The following DMXL1 variants were observed in gnomAD, a reference collection of about 807,000 sequenced individuals.
The protein encoded by DMXL1 is dmX-like protein 1.
A neutral mutation model predicts 319.2 loss-of-function variants in DMXL1; 99 were observed. The ratio of observed to expected loss-of-function variants is 0.31; its 90% CI spans 0.26 to 0.37. The LOEUF (loss-of-function observed/expected upper bound fraction) is 0.37, where lower values mean the gene tolerates loss of function less well. Ranked by LOEUF, DMXL1 falls within the 10% of genes least tolerant of loss-of-function variation. The pLI is 1.00. For synonymous variants in DMXL1, 1,385 were observed against 1,235.2 expected, an observed-to-expected ratio of 1.12 and a Z score of -2.54; for missense variants, 3,745 against 3,595.6, an observed-to-expected ratio of 1.04 and a Z score of -1.06.
At position 119,247,836 on chromosome 5, in the gene DMXL1, C is replaced by T. The variant is rs1469420137; in HGVS notation, c.*617C>T. On this transcript the variant is annotated 3_prime_UTR_variant, in exon 44 of 44. Coordinates refer to ENST00000539542, the MANE Select transcript of DMXL1 (RefSeq NM_001290321.3). ...TGTGTGTGTGTGTGTGTGTATCTTA[C>T]ACATCTTATTTGAACTTAGTTGTAT... The T allele has an allele frequency of 6.6e-6, 1 of 151,828 alleles. No individual in the cohort carries two copies. Among genetic ancestry groups the T allele is most frequent in the Non-Finnish European group, 1.5e-5 (1 of 67,910 alleles). The allele number at this position is 151,828 out of a possible 1,614,324, so 9.4% of individuals were successfully genotyped here.
At chr5:119,140,473 A>G (rs1035215334) in intron 13 of DMXL1, among the ~76,000 whole-genome samples, 1 of 152,194 alleles carries the variant, frequency 6.6e-6, no homozygotes, top group Non-Finnish European at 1.5e-5. Context: ...AGAAACTACT[A>G]CGAACACCTC....
chr5:119,098,229 A>G, intron 2 of DMXL1, 125 bp downstream of exon 2: 1 of 1,160,180 alleles, frequency 8.6e-7, no homozygotes. Flanking sequence ...TGTAGCTAGA[A>G]GAATTTTTGG....
At chr5:119,161,992 C>T (rs1447631251) in intron 19 of DMXL1, among the ~76,000 whole-genome samples, 1 of 152,228 alleles carries the variant, frequency 6.6e-6, no homozygotes, top group Non-Finnish European at 1.5e-5. Context: ...CTAGCTGTGA[C>T]ATTGCCCACA....
At chr5:119,123,351 A>G (rs1383312720) in intron 9 of DMXL1, among the ~76,000 whole-genome samples, 2 of 100,948 alleles carry the variant, frequency 2.0e-5, no homozygotes, top group East Asian at 6.6e-4. Context: ...GAGGGAGAGG[A>G]GGGAGAGGGA....
rs754468992 is a variant in DMXL1 at position 119,129,245 on chromosome 5, T to A, written c.1137T>A (p.Ser379Arg). Residue 379 changes from serine (S) to arginine (R), a missense_variant, in exon 10 of 44, where the codon AGT becomes AGA. Transcript: ENST00000539542. ...IPLLPSITSL[S>R]LNENEEKTGP... ...TTCTTCCATCTATTACATCTCTGAG[T>A]CTAAATGAAAATGAAGAGAAGACCG... 12 of 1,613,122 alleles carry A rather than the reference T, an allele frequency of 7.4e-6. No homozygotes were observed. The highest frequency in any genetic ancestry group is 4.5e-5 in the East Asian group (2 of 44,806).
intron 41 of DMXL1, among the ~76,000 whole-genome samples, chr5:119,239,849 C>G (rs1452266584): frequency 1.3e-5 from 2 of 150,684 alleles, no homozygotes. Flanking sequence ...CCCAGCTACT[C>G]TGGGGGCTGA....
chr5:119,114,496 A>G lies in DMXL1; in HGVS notation c.519A>G (p.Leu173=). 6.2e-7 allele frequency: 1 copy of G among 1,609,118 alleles called. No individual in the cohort carries two copies. Among genetic ancestry groups the G allele is most frequent in the Non-Finnish European group, 8.5e-7 (1 of 1,178,452 alleles). Residue 173 remains leucine, a synonymous_variant, in exon 6 of 44, where the codon TTA becomes TTG. Coordinates refer to ENST00000539542, the MANE Select transcript of DMXL1 (RefSeq NM_001290321.3). ...WHCKTASQVH[L]MKFSPDGEFF... ...ACAGAACTGCTTCCCAAGTTCATTT[A>G]ATGAAATTTTCACCAGATGGAGAAT... is the stretch of plus-strand genomic sequence containing the variant.
intron 23 of DMXL1, among the ~76,000 whole-genome samples, chr5:119,169,112 C>T (rs1293467347): frequency 6.6e-6 from 1 of 152,036 alleles, no homozygotes; most frequent in Non-Finnish European, 1.5e-5. Context: ...CCATGTTGCC[C>T]AGGGTGGTCT....
chr5:119,175,160 A>G, intron 25 of DMXL1, 101 bp from the exon 26 acceptor site: 1 of 807,140 alleles, frequency 1.2e-6, no homozygotes, highest in Non-Finnish European at 1.9e-6. Context: ...AGAATCAAAA[A>G]TTTTTTCATT....
At chr5:119,234,676 C>T (rs1260033415) in intron 39 of DMXL1, among the ~76,000 whole-genome samples, 1 of 152,118 alleles carries the variant, frequency 6.6e-6, no homozygotes, top group African/African-American at 2.4e-5. Flanking sequence ...GTTGTATTCT[C>T]TATCAATGTG....
intron 33 of DMXL1, among the ~76,000 whole-genome samples, chr5:119,206,321 G>A (rs946341550): frequency 9.9e-5 from 15 of 151,972 alleles, no homozygotes; most frequent in Non-Finnish European, 1.3e-4. Context: ...TCCCTTTTAA[G>A]AAGTGTATGT....
chr5:119,170,886 C>G lies in DMXL1; in HGVS notation c.6095C>G (p.Ala2032Gly). The change falls in exon 24 of 44, where the codon GCA becomes GGA. Residue 2032 changes from alanine (A) to glycine (G), a missense_variant. Physicochemically the swap from Ala to Gly is moderately conservative, Grantham distance 60 (BLOSUM62 0). This residue lies in a region of DMXL1 where 1,382 missense variants were observed against 1,269.5 expected (regional missense o/e 1.09). Coordinates refer to ENST00000539542, the MANE Select transcript of DMXL1 (RefSeq NM_001290321.3). ...DIIAVQLKFR[A>G]CLKILTVELR... The stretch of plus-strand genomic sequence containing the variant: ...ATTGCAGTTCAGTTAAAATTTAGAG[C>G]ATGTTTAAAGATTCTCACAGTAGAA... The G allele has an allele frequency of 1.2e-6, 2 of 1,612,360 alleles. No individual in the cohort carries two copies. Among genetic ancestry groups the G allele is most frequent in the Non-Finnish European group, 1.7e-6 (2 of 1,179,608 alleles).
chr5:119,084,872 A>G (rs1369331689), intron 1 of DMXL1, among the ~76,000 whole-genome samples: 1 of 152,046 alleles, frequency 6.6e-6, no homozygotes, highest in Non-Finnish European at 1.5e-5. Context: ...CTCAAAAAAA[A>G]AAAAAAAAAG....
intron 19 of DMXL1, among the ~76,000 whole-genome samples, chr5:119,159,092 G>A (rs1213074191): frequency 3.9e-5 from 6 of 151,944 alleles, no homozygotes; most frequent in African/African-American, 9.7e-5. Flanking sequence ...CCGGTGATGC[G>A]ATCAGATTCT....
intron 34 of DMXL1, among the ~76,000 whole-genome samples, chr5:119,210,757 G>GTTTTT: frequency 4.5e-4 from 40 of 89,776 alleles, no homozygotes; most frequent in African/African-American, 9.8e-4. Context: ...TTTTTCTTTC[G>GTTTTT]TTTTTTTTTT....
At position 119,233,325 on chromosome 5, in the gene DMXL1, C is replaced by A; in HGVS notation, c.8339-15C>A. On this transcript the variant is annotated splice_polypyrimidine_tract_variant and intron_variant, in intron 38 of 43. Coordinates refer to ENST00000539542, the MANE Select transcript of DMXL1 (RefSeq NM_001290321.3). ...CTTGAAATAAATCTGCAATTTTTGC[C>A]CTCTTGTAATGCAGATCTGACAGGA... The A allele has an allele frequency of 3.1e-6, 5 of 1,589,852 alleles. No homozygotes were observed. The highest frequency in any genetic ancestry group is 4.3e-6 in the Non-Finnish European group (5 of 1,169,738).
At chr5:119,119,389 C>G (rs976194209) in intron 8 of DMXL1, among the ~76,000 whole-genome samples, 1 of 152,136 alleles carries the variant, frequency 6.6e-6, no homozygotes, top group Non-Finnish European at 1.5e-5. Flanking sequence ...CACCCCACCC[C>G]CAGAACTTGG....
chr5:119,205,794 G>A (rs1020667891), intron 33 of DMXL1, among the ~76,000 whole-genome samples: 10 of 151,900 alleles, frequency 6.6e-5, no homozygotes, highest in Admixed American at 4.6e-4. Context: ...AATCTTTACC[G>A]GAAAGGTTAC....
At chr5:119,228,881 T>C (rs1786111427) in intron 38 of DMXL1, among the ~76,000 whole-genome samples, 1 of 152,124 alleles carries the variant, frequency 6.6e-6, no homozygotes, top group Non-Finnish European at 1.5e-5. Flanking sequence ...AATCCTTAGC[T>C]ATTTTAATGT....
Sources: gnomAD v4.1 joint callset for allele counts (sites outside exome capture counted in the v4.1 genomes callset) on GRCh38, gnomAD v4.1.1 for gene constraint, gnomAD v4.1.1 regional missense constraint, MANE v1.5 for transcripts, NCBI Gene and HGNC (gene_info 2026-07-23, HGNC 2026-07-21) for gene names.